The following ST18 variants were observed in gnomAD, a reference collection of about 807,000 sequenced individuals.
ST18 encodes suppression of tumorigenicity 18 protein.
A neutral mutation model predicts 110.0 loss-of-function variants in ST18; 50 were observed. The observed-to-expected ratio is 0.45, with a 90% CI of 0.36 to 0.58. The LOEUF is 0.58. Ranked by LOEUF, ST18 falls within the 20% of genes least tolerant of loss-of-function variation. ST18 has a pLI of 0.00. For synonymous variants in ST18, 461 were observed against 452.4 expected, an observed-to-expected ratio of 1.02 and a Z score of -0.24; for missense variants, 1,306 against 1,280.1, an observed-to-expected ratio of 1.02 and a Z score of -0.31.
At chr8:52,137,656 C>G in intron 17 of ST18, 173 bp from the exon 18 acceptor site, 1 of 546,580 alleles carries the variant, frequency 1.8e-6, no homozygotes, top group Admixed American at 3.6e-5. Context: ...CAGTGGACTA[C>G]CTGAAAGAAA....
Position 52,382,313 on chromosome 8 carries a change from C to T in ST18, c.-465+27015G>A, listed in dbSNP as rs533676576. Among the ~76,000 whole-genome samples the T allele has an allele frequency of 2.6e-5, 4 of 152,172 alleles. No individual in the cohort carries two copies. In the South Asian group the frequency reaches 6.2e-4, roughly 24 times the overall value. On this transcript the variant is annotated intron_variant, in intron 2 of 25. Coordinates refer to ENST00000689386, the MANE Select transcript of ST18 (RefSeq NM_001352837.2). ...TTGGATGGCAGAGGGCAGCCTCCTG[C>T]CTCATTCTCACTGAAAGGTGGCCCT...
intron 2 of ST18, among the ~76,000 whole-genome samples, chr8:52,344,248 CCT>C (rs757892273): frequency 7.5e-3 from 45 of 6,032 alleles, no homozygotes; most frequent in Non-Finnish European, 0.024. Context: ...ATAAAAGAAG[CCT>C]TATTTTTTCA....
chr8:52,157,447 C>T lies in ST18; in HGVS notation c.1806+1451G>A, dbSNP rs181450546. On this transcript the variant is annotated intron_variant, in intron 15 of 25. Transcript: ENST00000689386. ...AAATGATAAGGCACTAAGAAGGAAG[C>T]GATTTTAGTATTTCTCCAAGCAGAT... is the stretch of plus-strand genomic sequence containing the variant. Among the ~76,000 whole-genome samples, 137 of 151,874 alleles carry T rather than the reference C, an allele frequency of 9.0e-4. 1 individual carries two copies. Among genetic ancestry groups the T allele is most frequent in the Middle Eastern group, 3.4e-3 (1 of 292 alleles).
chr8:52,214,216 A>G lies in ST18; in HGVS notation c.42T>C (p.Ser14=). 6.2e-7 allele frequency: 1 copy of G among 1,614,110 alleles called. No individual in the cohort carries two copies. The highest frequency in any genetic ancestry group is 8.5e-7 in the Non-Finnish European group (1 of 1,179,982). ...TTGCTAACTCACCCTCGGTTCCTTT[A>G]GAGCGAGTACGCAGCGTTTTATCTT... ...EAEDKTLRTR[S]KGTEVPMDSL... Residue 14 remains serine (S), a synonymous_variant, in exon 7 of 26, where the codon TCT becomes TCC. Transcript: ENST00000689386.
At chr8:52,349,978 G>C (rs1444296936) in intron 2 of ST18, among the ~76,000 whole-genome samples, 1 of 152,124 alleles carries the variant, frequency 6.6e-6, no homozygotes, top group Non-Finnish European at 1.5e-5. Context: ...GAGAAACAGA[G>C]GGATCAGGAA....
chr8:52,212,422 T>C (rs761256447), intron 7 of ST18, among the ~76,000 whole-genome samples: 1 of 152,218 alleles, frequency 6.6e-6, no homozygotes, highest in Non-Finnish European at 1.5e-5. Context: ...TTTAAATACA[T>C]TTTATTTTTA....
intron 2 of ST18, among the ~76,000 whole-genome samples, chr8:52,282,592 G>A (rs940258622): frequency 6.6e-6 from 1 of 152,134 alleles, no homozygotes; most frequent in African/African-American, 2.4e-5. Flanking sequence ...GGCACCCCTG[G>A]TCTGCCTTGT....
At position 52,132,058 on chromosome 8, in the gene ST18, A is replaced by T; in HGVS notation, c.2566T>A (p.Ser856Thr). 1.2e-6 allele frequency: 2 copies of T among 1,614,192 alleles called. No individual in the cohort carries two copies. The highest frequency in any genetic ancestry group is 1.7e-6 in the Non-Finnish European group (2 of 1,180,042). The change falls in exon 22 of 26, where the codon TCC (serine) becomes ACC (threonine). Residue 856 changes from serine (S) to threonine (T), a missense_variant. By Grantham distance (58) the Ser-to-Thr change is moderately conservative. Transcript: ENST00000689386. The part of the protein sequence containing the change: ...RQKENPLNGA[S>T]LSWKLNKQEL... ...TGTTTGTTCAGTTTCCAGGAGAGGGAGGCTCCATTGAGAGGATTCTCCTTC... is the reference window on the plus strand; with the variant it reads ...TGTTTGTTCAGTTTCCAGGAGAGGGTGGCTCCATTGAGAGGATTCTCCTTC...
chr8:52,113,967 T>TTTTG (rs2041484809), intron 25 of ST18, among the ~76,000 whole-genome samples: 1 of 113,490 alleles, frequency 8.8e-6, no homozygotes, highest in Non-Finnish European at 1.8e-5. Context: ...TTTTTTTTTT[T>TTTTG]TTTTTTTTTT....
chr8:52,118,900 T>C (rs1563490079), intron 23 of ST18, among the ~76,000 whole-genome samples: 1 of 152,162 alleles, frequency 6.6e-6, no homozygotes, highest in Non-Finnish European at 1.5e-5. Context: ...CATTCTCTTA[T>C]TCAAAATGCT....
intron 2 of ST18, among the ~76,000 whole-genome samples, chr8:52,367,774 G>GA (rs1828703561): frequency 6.6e-6 from 1 of 152,164 alleles, no homozygotes; most frequent in African/African-American, 2.4e-5. Flanking sequence ...GAATGATCAT[G>GA]AAAATATGGT....
chr8:52,194,890 G>A (rs2075724921), intron 8 of ST18: 1 of 151,956 alleles, frequency 6.6e-6, no homozygotes, highest in South Asian at 2.1e-4. Context: ...ATCCTCACAT[G>A]GACCAAAGTT....
intron 9 of ST18, among the ~76,000 whole-genome samples, chr8:52,177,542 G>A (rs369568622): frequency 6.6e-6 from 1 of 152,106 alleles, no homozygotes; most frequent in African/African-American, 2.4e-5. Context: ...TAGGGGGTGG[G>A]GGGTAACTTG....
intron 2 of ST18, among the ~76,000 whole-genome samples, chr8:52,342,202 A>G (rs1045288936): frequency 9.2e-5 from 14 of 152,226 alleles, no homozygotes; most frequent in Non-Finnish European, 1.0e-4. Context: ...CATGTTTTAC[A>G]CCATAAATAT....
At chr8:52,204,726 A>C (rs1187835532) in intron 8 of ST18, among the ~76,000 whole-genome samples, 1 of 152,226 alleles carries the variant, frequency 6.6e-6, no homozygotes, top group Non-Finnish European at 1.5e-5. Context: ...AATGGATGAA[A>C]AAATTATCTC....
At position 52,137,442 on chromosome 8, in the gene ST18, C is replaced by T. The variant is rs1472845832; in HGVS notation, c.2210G>A (p.Gly737Glu). The change falls in exon 18 of 26, where the codon GGA becomes GAA. Residue 737 changes from glycine to glutamate, a missense_variant. Gly to Glu is a moderately conservative substitution (Grantham distance 98, BLOSUM62 -2). Coordinates refer to ENST00000689386, the MANE Select transcript of ST18 (RefSeq NM_001352837.2). ...GTACCTGCGATGAGATGCATAGTTT[C>T]CTGTCACGTGGCCACTTCCATCACA... ...PGCDGSGHVT[G>E]NYASHRSVSG... 1 of 1,614,090 alleles carries T rather than the reference C, an allele frequency of 6.2e-7. No homozygotes were observed. Among genetic ancestry groups the T allele is most frequent in the African/African-American group, 1.3e-5 (1 of 75,036 alleles).
At chr8:52,180,786 G>A (rs2069137169) in intron 8 of ST18, among the ~76,000 whole-genome samples, 1 of 152,126 alleles carries the variant, frequency 6.6e-6, no homozygotes, top group East Asian at 1.9e-4. Context: ...ACATATCTTG[G>A]ACTTTCACTT....
chr8:52,270,864 AGT>A (rs1284191329), intron 2 of ST18, among the ~76,000 whole-genome samples: 2 of 151,950 alleles, frequency 1.3e-5, no homozygotes, highest in Admixed American at 1.3e-4. Context: ...AAGTGGGTGA[AGT>A]GTGTATTATG....
intron 2 of ST18, among the ~76,000 whole-genome samples, chr8:52,280,996 A>C (rs957375905): frequency 2.6e-5 from 4 of 152,162 alleles, no homozygotes; most frequent in Admixed American, 2.6e-4. Context: ...TTAGGTAAGC[A>C]AAAAGTAATT....
Sources: allele counts gnomAD v4.1 joint callset (sites outside exome capture counted in the v4.1 genomes callset), GRCh38; gene constraint gnomAD v4.1.1; transcripts MANE v1.5; gene names NCBI Gene and HGNC (gene_info 2026-07-23, HGNC 2026-07-21).